The following UNC13B variants were observed in gnomAD, a reference collection of about 807,000 sequenced individuals.
The protein encoded by UNC13B is unc-13 homolog B, also known as protein unc-13 homolog B.
UNC13B carries 144 observed loss-of-function variants against 211.0 expected under a neutral mutation model. That is an observed-to-expected ratio of 0.68 (90% CI 0.60 to 0.78). UNC13B has a LOEUF of 0.78. Ranked by LOEUF, UNC13B falls within the 30% of genes least tolerant of loss-of-function variation. The probability of loss-of-function intolerance (pLI) is 0.00; values close to 1 mark genes in which losing one functional copy is unlikely to be tolerated. For missense variants in UNC13B, 1,777 were observed against 2,002.0 expected, an observed-to-expected ratio of 0.89 and a Z score of 2.14; for synonymous variants, 709 against 725.8, an observed-to-expected ratio of 0.98 and a Z score of 0.37.
At chr9:35,248,838 T>C (rs1324439691) in intron 6 of UNC13B, among the ~76,000 whole-genome samples, 1 of 152,182 alleles carries the variant, frequency 6.6e-6, no homozygotes, top group Admixed American at 6.5e-5. Context: ...TTCTGTTGAT[T>C]TGGGGTGGAG....
chr9:35,399,967 A>G (rs1450520378), intron 36 of UNC13B, among the ~76,000 whole-genome samples: 3 of 152,194 alleles, frequency 2.0e-5, no homozygotes. Flanking sequence ...TGGGAGAGGT[A>G]TGTCATAGGT....
At chr9:35,282,789 T>G (rs1316635336) in intron 7 of UNC13B, among the ~76,000 whole-genome samples, 1 of 152,192 alleles carries the variant, frequency 6.6e-6, no homozygotes, top group East Asian at 1.9e-4. Flanking sequence ...CTTGCTTTTT[T>G]TTCCTTACAA....
intron 11 of UNC13B, among the ~76,000 whole-genome samples, chr9:35,345,367 G>A (rs1333305330): frequency 6.6e-6 from 1 of 152,136 alleles, no homozygotes; most frequent in African/African-American, 2.4e-5. Flanking sequence ...AAATTACTAA[G>A]ATGAAGTATC....
At chr9:35,182,105 C>T (rs1174889689) in intron 1 of UNC13B, among the ~76,000 whole-genome samples, 1 of 152,136 alleles carries the variant, frequency 6.6e-6, no homozygotes, top group Admixed American at 6.6e-5. Flanking sequence ...TTGAATACTA[C>T]TTCTTTTACA....
chr9:35,384,527 T>C (rs1361744979), intron 22 of UNC13B: 1 of 985,360 alleles, frequency 1.0e-6, no homozygotes, highest in African/African-American at 1.7e-5. Context: ...TTAGTTTTTA[T>C]AGACAGTTGT....
rs998953857 is a variant in UNC13B at position 35,304,555 on chromosome 9, T to C, written c.5151T>C (p.His1717=). The change falls in exon 9 of 40, where the codon CAT becomes CAC. Residue 1717 remains histidine (H), a synonymous_variant. Coordinates refer to ENST00000635942, the MANE Select transcript of UNC13B (RefSeq NM_001371189.2). ...CATCAGTTCACCTTTCCAGTTTCCATTGGCTTCAGTCTTCTGTTGAAGAAG... is the reference window on the plus strand; with the variant it reads ...CATCAGTTCACCTTTCCAGTTTCCACTGGCTTCAGTCTTCTGTTGAAGAAG... The part of the protein sequence containing the change: ...EDSSVHLSSF[H]WLQSSVEEVT... 48 of 398,612 alleles carry C rather than the reference T, an allele frequency of 1.2e-4. No individual in the cohort carries two copies. The highest frequency in any genetic ancestry group is 1.9e-4 in the African/African-American group (9 of 48,572). The allele number at this position is 398,612 out of a possible 1,614,324, so 24.7% of individuals were successfully genotyped here.
In UNC13B at chr9:35,334,906, C is replaced by T. The variant is rs903691473; in HGVS notation, c.9414+20917C>T. Among the ~76,000 whole-genome samples, 55 of 152,074 alleles carry T rather than the reference C, an allele frequency of 3.6e-4. 1 individual carries two copies. The highest frequency in any genetic ancestry group is 2.6e-4 in the Non-Finnish European group (18 of 68,002). On this transcript the variant is annotated intron_variant, in intron 11 of 39. Coordinates refer to ENST00000635942, the MANE Select transcript of UNC13B (RefSeq NM_001371189.2). ...TACAAAAATTATCCGGGCTTGGTGG[C>T]GGGCACCTGTAATCCCAGCTACTCA...
intron 11 of UNC13B, chr9:35,351,254 T>C: frequency 9.0e-7 from 1 of 1,111,492 alleles, no homozygotes; most frequent in Non-Finnish European, 1.1e-6. Flanking sequence ...ATCATCCTGC[T>C]ACTTTCTGAC....
At chr9:35,353,732 A>G (rs1832859167) in intron 11 of UNC13B, 1 of 1,232,128 alleles carries the variant, frequency 8.1e-7, no homozygotes, top group Admixed American at 4.2e-5. Context: ...TCTAAGAGAG[A>G]AAAGACTAAG....
intron 11 of UNC13B, chr9:35,353,888 G>A: frequency 1.1e-6 from 1 of 941,468 alleles, no homozygotes; most frequent in Non-Finnish European, 1.4e-6. Flanking sequence ...GACCTGGTGT[G>A]GTGGCCAGTT....
chr9:35,239,410 T>C (rs1324061504), intron 5 of UNC13B, among the ~76,000 whole-genome samples: 3 of 152,176 alleles, frequency 2.0e-5, no homozygotes, highest in East Asian at 3.9e-4. Flanking sequence ...AGTGTACGAA[T>C]AGGGTGTGGG....
intron 7 of UNC13B, among the ~76,000 whole-genome samples, chr9:35,263,551 A>C (rs1827400141): frequency 6.6e-6 from 1 of 152,152 alleles, no homozygotes; most frequent in South Asian, 2.1e-4. Context: ...AAGAGGACTC[A>C]TGCAGTTCAA....
chr9:35,277,418 A>G lies in UNC13B; in HGVS notation c.527-18278A>G, dbSNP rs146383698. ...TATTGTAAGGTAATTTATAAGCATT[A>G]GAATGCTCAGGGGTATCCCTAGTAG... On this transcript the variant is annotated intron_variant, in intron 7 of 39. Coordinates refer to ENST00000635942, the MANE Select transcript of UNC13B (RefSeq NM_001371189.2). 3.6e-4 allele frequency among the ~76,000 whole-genome samples: 55 copies of G among 152,342 alleles called. No individual in the cohort carries two copies. In the East Asian group the frequency reaches 9.1e-3, roughly 25 times the overall value.
rs1483905851 is a variant in UNC13B, at chr9:35,307,937, T to C, written c.8533T>C (p.Trp2845Arg). ...GFGKVDLSFP[W>R]PKENKGVPEQ... The stretch of plus-strand genomic sequence containing the variant: ...TGGAAAGGTAGATCTTTCATTTCCA[T>C]GGCCAAAAGAGAACAAAGGGGTCCC... The change falls in exon 9 of 40, where the codon TGG becomes CGG. Residue 2845 changes from tryptophan to arginine, a missense_variant. Trp to Arg is a moderately radical substitution (Grantham distance 101). Transcript: ENST00000635942. 3 of 398,902 alleles carry C rather than the reference T, an allele frequency of 7.5e-6. No individual in the cohort carries two copies. Among genetic ancestry groups the C allele is most frequent in the East Asian group, 7.1e-5 (2 of 28,092 alleles). The allele number at this position is 398,902 out of a possible 1,614,324, so 24.7% of individuals were successfully genotyped here.
chr9:35,383,153 T>C (rs1001061147), intron 21 of UNC13B, among the ~76,000 whole-genome samples: 2 of 152,202 alleles, frequency 1.3e-5, no homozygotes, highest in Non-Finnish European at 2.9e-5. Flanking sequence ...GTTCAGTCTG[T>C]CTGTGATGGA....
At position 35,243,317 on chromosome 9, in the gene UNC13B, T is replaced by A. The variant is rs1268328878; in HGVS notation, c.421T>A (p.Trp141Arg). 1 of 1,613,518 alleles carries A rather than the reference T, an allele frequency of 6.2e-7. No homozygotes were observed. The highest frequency in any genetic ancestry group is 1.1e-5 in the South Asian group (1 of 91,054). Residue 141 changes from tryptophan (W) to arginine (R), a missense_variant, in exon 6 of 40, where the codon TGG becomes AGG. By Grantham distance (101) the Trp-to-Arg change is moderately radical. Coordinates refer to ENST00000635942, the MANE Select transcript of UNC13B (RefSeq NM_001371189.2). ...TATCCCAGAGGAGGAAGCCAGATAT[T>A]GGACCTACAAATGGGAGCAAATCAA... is the stretch of plus-strand genomic sequence containing the variant. The part of the protein sequence containing the change: ...FDIPEEEARY[W>R]TYKWEQINAL...
intron 7 of UNC13B, 142 bp from the exon 8 acceptor site, chr9:35,295,554 G>A: frequency 1.5e-6 from 1 of 675,940 alleles, no homozygotes; most frequent in Non-Finnish European, 2.5e-6. Context: ...TCATGGCTCT[G>A]AGGTCGTCAC....
At chr9:35,393,401 A>G (rs749063541) in intron 26 of UNC13B, among the ~76,000 whole-genome samples, 1 of 151,950 alleles carries the variant, frequency 6.6e-6, no homozygotes, top group Non-Finnish European at 1.5e-5. Context: ...CATGTCCAAG[A>G]CCTGGGGTCT....
rs375021839 is a variant in UNC13B, at chr9:35,188,493, C to T, written c.22+26188C>T. ...TATATTAGTATTCACCAAAATATAA[C>T]TTAAAGAATATCGGACATCATTTTG... On this transcript the variant is annotated intron_variant, in intron 1 of 39. Coordinates refer to ENST00000635942, the MANE Select transcript of UNC13B (RefSeq NM_001371189.2). Among the ~76,000 whole-genome samples, 17 of 152,252 alleles carry T rather than the reference C, an allele frequency of 1.1e-4. No homozygotes were observed. The East Asian group carries it at 1.7e-3, about 16-fold the overall frequency.
Sources: gnomAD v4.1 joint callset for allele counts (sites outside exome capture counted in the v4.1 genomes callset) on GRCh38, gnomAD v4.1.1 for gene constraint, MANE v1.5 for transcripts, NCBI Gene and HGNC (gene_info 2026-07-23, HGNC 2026-07-21) for gene names.